DPYD: variants seen among roughly 807,000 people sequenced by gnomAD.
DPYD encodes dihydropyrimidine dehydrogenase, also known as dihydropyrimidine dehydrogenase [NADP(+)].
In DPYD, 109 loss-of-function variants were observed where a neutral mutation model predicts 116.2. The ratio of observed to expected loss-of-function variants is 0.94; its 90% CI spans 0.80 to 1.10. The LOEUF is 1.10. Among genes scored for constraint, DPYD ranks in the 50% least tolerant of loss-of-function variants. The pLI is 0.00. For synonymous variants in DPYD, 440 were observed against 432.0 expected, an observed-to-expected ratio of 1.02 and a Z score of -0.23; for missense variants, 1,302 against 1,254.5, an observed-to-expected ratio of 1.04 and a Z score of -0.57.
chr1:97,390,930 A>G (rs1437259687), intron 14 of DPYD, among the ~76,000 whole-genome samples: 2 of 151,818 alleles, frequency 1.3e-5, no homozygotes, highest in Non-Finnish European at 2.9e-5. Context: ...CAAATATATT[A>G]TATACTTTTC....
At chr1:97,831,450 G>A (rs1165032147) in intron 2 of DPYD, among the ~76,000 whole-genome samples, 2 of 152,136 alleles carry the variant, frequency 1.3e-5, no homozygotes, top group Non-Finnish European at 2.9e-5. Context: ...ACATGGATCT[G>A]AGAAAAACTG....
At chr1:97,348,190 T>C (rs538442428) in intron 16 of DPYD, among the ~76,000 whole-genome samples, 84 of 152,290 alleles carry the variant, frequency 5.5e-4, no homozygotes, top group Admixed American at 1.8e-3. Context: ...TCCTCTTTAA[T>C]AATTCTCAGC....
intron 14 of DPYD, among the ~76,000 whole-genome samples, chr1:97,384,820 G>A (rs1672224183): frequency 6.6e-6 from 1 of 152,066 alleles, no homozygotes; most frequent in Admixed American, 6.6e-5. Flanking sequence ...GTTGAACAAC[G>A]TTCCGAAATA....
intron 16 of DPYD, among the ~76,000 whole-genome samples, chr1:97,317,081 A>G (rs951038121): frequency 2.6e-5 from 4 of 151,932 alleles, no homozygotes; most frequent in African/African-American, 9.7e-5. Flanking sequence ...AGCATTTCAG[A>G]ATAGTTTATT....
rs1491397524 is a variant in DPYD, at chr1:97,814,931, AGG to A, written c.233+13181_233+13182del. ...AAAAAAAAAAAAAAAAGAAAGAGAG[AGG>A]AAAGAAAGAAAGAAAGAAAGAAAGG... On this transcript the variant is annotated intron_variant, in intron 3 of 22. Transcript: ENST00000370192. 5.5e-4 allele frequency among the ~76,000 whole-genome samples: 7 copies of A among 12,748 alleles called. 1 individual carries two copies. The highest frequency in any genetic ancestry group is 1.2e-3 in the Admixed American group (1 of 858). 8.4% of individuals were successfully genotyped at this position (12,748 alleles called of 152,430 possible).
chr1:97,235,064 A>T (rs576654802), intron 18 of DPYD, 70 bp from the exon 19 acceptor site: 8 of 1,579,282 alleles, frequency 5.1e-6, no homozygotes, highest in Non-Finnish European at 7.0e-6. Context: ...TATTACTTCT[A>T]TTACTATGAT....
intron 1 of DPYD, among the ~76,000 whole-genome samples, chr1:97,898,146 C>A (rs190536224): frequency 1.9e-3 from 287 of 151,712 alleles, no homozygotes; most frequent in Non-Finnish European, 3.5e-3. Flanking sequence ...GTTTTCCAGT[C>A]TGGCTGGTGG....
chr1:97,514,348 C>G (rs192694318), intron 13 of DPYD: 10 of 638,082 alleles, frequency 1.6e-5, no homozygotes, highest in Middle Eastern at 8.0e-4. Flanking sequence ...GCAAACACCT[C>G]TTTTTTTCAG....
intron 8 of DPYD, among the ~76,000 whole-genome samples, chr1:97,603,884 A>G (rs1048968924): frequency 2.6e-5 from 4 of 152,166 alleles, no homozygotes; most frequent in Non-Finnish European, 5.9e-5. Context: ...CCTTTGAAGT[A>G]AACTAGCCTT....
chr1:97,128,251 C>T lies in DPYD; in HGVS notation c.2623-29619G>A, dbSNP rs373421109. On this transcript the variant is annotated intron_variant, in intron 20 of 22. Coordinates refer to ENST00000370192, the MANE Select transcript of DPYD (RefSeq NM_000110.4). ...TAGAGCATCATATATATTATTTAGG[C>T]TATTACAGAAACATACATATTCTTG... Among the ~76,000 whole-genome samples the T allele has an allele frequency of 3.1e-4, 47 of 152,252 alleles. No homozygotes were observed. In the East Asian group the frequency reaches 5.0e-3, roughly 16 times the overall value.
chr1:97,535,398 C>T (rs12729863), intron 12 of DPYD, among the ~76,000 whole-genome samples: 25,212 of 152,090 alleles, frequency 0.17, 2,243 homozygotes, highest in Admixed American at 0.23. Flanking sequence ...GGATGCATAA[C>T]ACTTCTACTC....
At chr1:97,864,798 T>C (rs7511709) in intron 2 of DPYD, among the ~76,000 whole-genome samples, 148,072 of 151,966 alleles carry the variant, frequency 0.97, 72,271 homozygotes, top group Middle Eastern at 1. Context: ...CATTTGAAAC[T>C]TTCATAACAG....
chr1:97,676,536 C>G (rs1262033421), intron 8 of DPYD, among the ~76,000 whole-genome samples: 17 of 152,128 alleles, frequency 1.1e-4, no homozygotes, highest in Admixed American at 1.1e-3. Context: ...CTATTGTTTT[C>G]TGAAACTGCC....
At chr1:97,296,465 AATAAT>A (rs1666536692) in intron 18 of DPYD, among the ~76,000 whole-genome samples, 1 of 152,182 alleles carries the variant, frequency 6.6e-6, no homozygotes, top group African/African-American at 2.4e-5. Flanking sequence ...TCTATTTAAG[AATAAT>A]ATGTCTCGAT....
intron 20 of DPYD, among the ~76,000 whole-genome samples, chr1:97,110,434 A>G (rs1296964656): frequency 1.3e-5 from 2 of 152,198 alleles, no homozygotes; most frequent in East Asian, 3.9e-4. Context: ...ACTCCACCTC[A>G]CGTACCCTGT....
At chr1:97,523,094 C>T (rs1648805948) in intron 12 of DPYD, among the ~76,000 whole-genome samples, 1 of 152,036 alleles carries the variant, frequency 6.6e-6, no homozygotes, top group Non-Finnish European at 1.5e-5. Flanking sequence ...ATCACCATGA[C>T]CTCTTTGATT....
chr1:97,877,138 T>G (rs1357930096), intron 2 of DPYD, among the ~76,000 whole-genome samples: 1 of 151,990 alleles, frequency 6.6e-6, no homozygotes, highest in Non-Finnish European at 1.5e-5. Context: ...ACCCCAGTGT[T>G]GAGTGGAACA....
intron 18 of DPYD, among the ~76,000 whole-genome samples, chr1:97,250,245 A>G (rs1018031937): frequency 6.6e-6 from 1 of 152,026 alleles, no homozygotes; most frequent in African/African-American, 2.4e-5. Context: ...ACCCCAGCCC[A>G]GGCAACAATG....
intron 8 of DPYD, among the ~76,000 whole-genome samples, chr1:97,625,882 T>G (rs1656898807): frequency 6.6e-6 from 1 of 152,080 alleles, no homozygotes; most frequent in African/African-American, 2.4e-5. Context: ...TTTTTGAAGC[T>G]TTGCAACCTT....
Sources: allele counts gnomAD v4.1 joint callset (sites outside exome capture counted in the v4.1 genomes callset), GRCh38; gene constraint gnomAD v4.1.1; transcripts MANE v1.5; gene names NCBI Gene and HGNC (gene_info 2026-07-23, HGNC 2026-07-21).